MYOM2: variants seen among roughly 807,000 people sequenced by gnomAD.
MYOM2 encodes the protein myomesin 2, also known as myomesin-2.
MYOM2 carries 254 observed loss-of-function variants against 187.6 expected under a neutral mutation model. The ratio of observed to expected loss-of-function variants is 1.35; its 90% CI spans 1.22 to 1.50. The LOEUF is 1.50. MYOM2 is among the 40% of genes most tolerant of loss of function. MYOM2 has a pLI of 0.00. For missense variants in MYOM2, 2,796 were observed against 1,924.0 expected (o/e 1.45, Z -8.48); for synonymous variants, 981 against 753.8 (o/e 1.30, Z -4.94).
intron 6 of MYOM2, among the ~76,000 whole-genome samples, chr8:2,059,742 C>CTTTT (rs60345808): frequency 0.01 from 1,337 of 131,082 alleles, 31 homozygotes; most frequent in African/African-American, 0.035. Context: ...GACACACACA[C>CTTTT]TTTTTTTTTT....
intron 17 of MYOM2, 87 bp downstream of exon 17, chr8:2,094,178 T>C: frequency 2.6e-6 from 4 of 1,529,694 alleles, no homozygotes; most frequent in Admixed American, 1.8e-5. Flanking sequence ...CCATTTGGAA[T>C]GTCATTGAAG....
Position 2,089,528 on chromosome 8 carries a change from A to T in MYOM2, c.1645-480A>T, listed in dbSNP as rs1055087618. Among the ~76,000 whole-genome samples, 6 of 152,332 alleles carry T rather than the reference A, an allele frequency of 3.9e-5. No individual in the cohort carries two copies. The East Asian group carries it at 1.2e-3, about 29-fold the overall frequency. ...GCCATGAGGTTTTTAATCTATGAAC[A>T]TATCATCATGTGTCTGACCGTATTG... On this transcript the variant is annotated intron_variant, in intron 14 of 36. Coordinates refer to ENST00000262113, the MANE Select transcript of MYOM2 (RefSeq NM_003970.4).
chr8:2,126,635 T>C (rs1467351333), intron 31 of MYOM2, among the ~76,000 whole-genome samples: 3 of 149,282 alleles, frequency 2.0e-5, no homozygotes, highest in Non-Finnish European at 4.5e-5. Context: ...TGGGGGAGGC[T>C]GATACAGGCT....
chr8:2,124,114 A>G, intron 30 of MYOM2, 65 bp from the exon 31 acceptor site: 1 of 1,479,240 alleles, frequency 6.8e-7, no homozygotes, highest in Non-Finnish European at 9.3e-7. Context: ...TTAATTAAAC[A>G]TTGAAAATGC....
intron 1 of MYOM2, among the ~76,000 whole-genome samples, chr8:2,046,363 C>T (rs189319827): frequency 1.0e-3 from 155 of 152,272 alleles, no homozygotes; most frequent in African/African-American, 3.7e-3. Flanking sequence ...GATTCCTAAA[C>T]GTGTCAGGAG....
intron 6 of MYOM2, among the ~76,000 whole-genome samples, chr8:2,066,577 A>T (rs1819026833): frequency 6.6e-6 from 1 of 152,220 alleles, no homozygotes; most frequent in Admixed American, 6.5e-5. Context: ...AGCACAAAGT[A>T]AACAAACAAA....
Position 2,085,405 on chromosome 8 carries a change from C to T in MYOM2, c.1644+15C>T, listed in dbSNP as rs73186735. On this transcript the variant is annotated intron_variant, in intron 14 of 36. Coordinates refer to ENST00000262113, the MANE Select transcript of MYOM2 (RefSeq NM_003970.4). ...TCATTGAGAAGGTAAACTCCGGGCC[C>T]GTGTCCTGGAAAAGTAGATCTCTGC... The T allele has an allele frequency of 0.096, 150,400 of 1,565,990 alleles. 8,908 individuals are homozygous for T. Among genetic ancestry groups the T allele is most frequent in the Non-Finnish European group, 0.11 (127,182 of 1,153,506 alleles).
chr8:2,052,042 T>C, intron 2 of MYOM2, 116 bp from the exon 3 acceptor site: 3 of 1,270,842 alleles, frequency 2.4e-6, no homozygotes, highest in Non-Finnish European at 3.3e-6. Flanking sequence ...TGTGTTTGTG[T>C]GTGCTCTGCA....
At chr8:2,113,041 C>A (rs903043836) in intron 25 of MYOM2, among the ~76,000 whole-genome samples, 2 of 152,210 alleles carry the variant, frequency 1.3e-5, no homozygotes, top group Non-Finnish European at 1.5e-5. Context: ...TGCCCCAATT[C>A]CAGCTGAGAT....
chr8:2,064,659 C>G (rs1289177662), intron 6 of MYOM2, among the ~76,000 whole-genome samples: 2 of 152,188 alleles, frequency 1.3e-5, no homozygotes, highest in African/African-American at 2.4e-5. Context: ...GGTTGCACTC[C>G]CCTGGGATCT....
chr8:2,078,203 A>T (rs183734368), intron 11 of MYOM2, among the ~76,000 whole-genome samples: 1 of 152,360 alleles, frequency 6.6e-6, no homozygotes, highest in East Asian at 1.9e-4. Context: ...CATGAGAGGC[A>T]TTCTAGAAAG....
At chr8:2,053,729 T>A (rs2129327881) in intron 3 of MYOM2, among the ~76,000 whole-genome samples, 1 of 152,326 alleles carries the variant, frequency 6.6e-6, no homozygotes, top group Non-Finnish European at 1.5e-5. Context: ...GATCCTCACG[T>A]TAAATGCCAG....
intron 1 of MYOM2, among the ~76,000 whole-genome samples, chr8:2,050,243 G>T (rs1315299972): frequency 6.6e-6 from 1 of 151,972 alleles, no homozygotes; most frequent in East Asian, 1.9e-4. Flanking sequence ...CCTCCGCCTG[G>T]CAGTCCCACC....
chr8:2,082,727 T>C (rs1716702120), intron 13 of MYOM2, among the ~76,000 whole-genome samples: 1 of 152,256 alleles, frequency 6.6e-6, no homozygotes, highest in Admixed American at 6.5e-5. Flanking sequence ...TTCTACTGTG[T>C]TATTCTCTCC....
Position 2,115,819 on chromosome 8 carries a change from T to G in MYOM2, c.3181-141T>G, listed in dbSNP as rs879312887. ...GTTTGATCCTTGTTCACCCAGAGGTTTCCTTGATAAAATTTCATTTTGGTT... is the reference window on the plus strand; with the variant it reads ...GTTTGATCCTTGTTCACCCAGAGGTGTCCTTGATAAAATTTCATTTTGGTT... On this transcript the variant is annotated intron_variant, in intron 25 of 36. Transcript: ENST00000262113. 4 of 883,404 alleles carry G rather than the reference T, an allele frequency of 4.5e-6. No individual in the cohort carries two copies. In the East Asian group the frequency reaches 1.1e-4, roughly 24 times the overall value. The allele number at this position is 883,404 out of a possible 1,614,324, so 54.7% of individuals were successfully genotyped here. A position where few individuals can be genotyped will look rare whatever the true frequency, so the allele number is the denominator to read the frequency against.
rs1819769435 is a variant in MYOM2, at chr8:2,085,199, G to A, written c.1517-64G>A. The A allele has an allele frequency of 1.2e-5, 19 of 1,579,220 alleles. No individual in the cohort carries two copies. In the Admixed American group the frequency reaches 2.1e-4, roughly 17 times the overall value. On this transcript the variant is annotated intron_variant, in intron 13 of 36. Transcript: ENST00000262113. Reference sequence around the variant, plus strand: ...ACGTGGCAGAGTCCTCCAGTGCCCCGAGGTGGGCTGCAGCGAGGCTGATGG... The same window carrying A: ...ACGTGGCAGAGTCCTCCAGTGCCCCAAGGTGGGCTGCAGCGAGGCTGATGG...
At chr8:2,081,879 GA>G (rs572165670) in intron 13 of MYOM2, 5 of 152,266 alleles carry the variant, frequency 3.3e-5, no homozygotes, top group African/African-American at 4.8e-5. Flanking sequence ...TAAAGACACA[GA>G]TGCTCTTTTC....
intron 25 of MYOM2, among the ~76,000 whole-genome samples, chr8:2,112,758 A>T (rs1866717): frequency 6.6e-6 from 1 of 151,976 alleles, no homozygotes; most frequent in Non-Finnish European, 1.5e-5. Context: ...AAAGAAGAAC[A>T]TGTGAAAACA....
intron 25 of MYOM2, among the ~76,000 whole-genome samples, chr8:2,110,047 G>T (rs1322709596): frequency 6.6e-6 from 1 of 152,194 alleles, no homozygotes; most frequent in African/African-American, 2.4e-5. Context: ...TTCTGGCCAG[G>T]CATGGCGGCT....
Sources: allele counts gnomAD v4.1 joint callset (sites outside exome capture counted in the v4.1 genomes callset), GRCh38; gene constraint gnomAD v4.1.1; transcripts MANE v1.5; gene names NCBI Gene and HGNC (gene_info 2026-07-23, HGNC 2026-07-21).